PROX1: variants seen among roughly 807,000 people sequenced by gnomAD.
The protein encoded by PROX1 is prospero homeobox 1.
A neutral mutation model predicts 58.8 loss-of-function variants in PROX1; 7 were observed. The ratio of observed to expected loss-of-function variants is 0.12; its 90% CI spans 0.07 to 0.22. PROX1 has a LOEUF of 0.22. Among genes scored for constraint, PROX1 ranks in the 10% least tolerant of loss-of-function variants. The probability of loss-of-function intolerance (pLI) is 1.00; values close to 1 mark genes in which losing one functional copy is unlikely to be tolerated. For missense variants in PROX1, 675 were observed against 927.8 expected, an observed-to-expected ratio of 0.73 and a Z score of 3.54; for synonymous variants, 350 against 358.3, an observed-to-expected ratio of 0.98 and a Z score of 0.26.
intron 1 of PROX1, chr1:213,989,729 T>C (rs900282089): frequency 6.6e-6 from 1 of 152,374 alleles, no homozygotes; most frequent in Non-Finnish European, 1.5e-5. Flanking sequence ...TTACTCCCCC[T>C]GCTGAAGCTG....
At chr1:214,024,534 G>C (rs943207068) in intron 4 of PROX1, among the ~76,000 whole-genome samples, 1 of 152,082 alleles carries the variant, frequency 6.6e-6, no homozygotes, top group African/African-American at 2.4e-5. Flanking sequence ...TATCACAAGC[G>C]CTTTCTTTGG....
rs1664842119 is a variant in PROX1, at chr1:214,036,724, A to G, written c.*890A>G. 1 of 152,194 alleles carries G rather than the reference A, an allele frequency of 6.6e-6. No individual in the cohort carries two copies. Among genetic ancestry groups the G allele is most frequent in the African/African-American group, 2.4e-5 (1 of 41,458 alleles). 9.4% of individuals were successfully genotyped at this position (152,194 alleles called of 1,614,324 possible). On this transcript the variant is annotated 3_prime_UTR_variant, in exon 5 of 5. Transcript: ENST00000366958. Reference sequence around the variant, plus strand: ...CAACTTTGTTTATATGCTTAAAAGGATTCTGTTTACTTAACAATTTTTTCC... The same window carrying G: ...CAACTTTGTTTATATGCTTAAAAGGGTTCTGTTTACTTAACAATTTTTTCC...
At chr1:214,016,190 C>A (rs1337595946) in intron 4 of PROX1, among the ~76,000 whole-genome samples, 1 of 152,020 alleles carries the variant, frequency 6.6e-6, no homozygotes, top group East Asian at 1.9e-4. Context: ...AAATAAAAAA[C>A]AACACCCCAC....
chr1:213,998,101 G>A lies in PROX1; in HGVS notation c.1566G>A (p.Thr522=), dbSNP rs1663351039. 1.2e-6 allele frequency: 2 copies of A among 1,613,968 alleles called. No individual in the cohort carries two copies. The highest frequency in any genetic ancestry group is 1.7e-5 in the Admixed American group (1 of 59,996). Residue 522 remains threonine (T), a synonymous_variant, in exon 2 of 5, where the codon ACG becomes ACA. Transcript: ENST00000366958. ...CCTTAGACTTAACTAGGGATACCACGAGTCTGAGGACCAAGATGTCATCTC... is the reference window on the plus strand; with the variant it reads ...CCTTAGACTTAACTAGGGATACCACAAGTCTGAGGACCAAGATGTCATCTC... The part of the protein sequence containing the change: ...PESLDLTRDT[T]SLRTKMSSHH...
Position 214,008,421 on chromosome 1 carries a change from A to G in PROX1, c.1834-3100A>G, listed in dbSNP as rs576497500. Among the ~76,000 whole-genome samples the G allele has an allele frequency of 5.8e-3, 788 of 136,960 alleles. 8 individuals carry two copies. The highest frequency in any genetic ancestry group is 0.021 in the African/African-American group (752 of 35,928). The allele number at this position is 136,960 out of a possible 152,430, so 89.9% of individuals were successfully genotyped here. The stretch of plus-strand genomic sequence containing the variant: ...AAAACAAAAAACAAACAACAACAAC[A>G]ACAACAAAAAAAACCAGGAGAAAAA... On this transcript the variant is annotated intron_variant, in intron 3 of 4. Coordinates refer to ENST00000366958, the MANE Select transcript of PROX1 (RefSeq NM_001270616.2).
chr1:213,990,461 G>C (rs2102679012), intron 1 of PROX1, among the ~76,000 whole-genome samples: 1 of 151,488 alleles, frequency 6.6e-6, no homozygotes, highest in East Asian at 2.0e-4. Context: ...GTTGGTATGT[G>C]TTTGTTTATT....
intron 4 of PROX1, 96 bp downstream of exon 4, chr1:214,011,811 T>G: frequency 9.2e-7 from 1 of 1,083,318 alleles, no homozygotes. Flanking sequence ...TTTGTGTTGG[T>G]TTCGCATACA....
In PROX1 at chr1:214,036,078, C is replaced by G; in HGVS notation, c.*244C>G. On this transcript the variant is annotated 3_prime_UTR_variant, in exon 5 of 5. Transcript: ENST00000366958. ...GCCCAAGGCCCTTAACATTTGGACA[C>G]TTAAAATAGGGTTAATTTTCAGGGA... is the stretch of plus-strand genomic sequence containing the variant. 1 of 311,244 alleles carries G rather than the reference C, an allele frequency of 3.2e-6. No individual in the cohort carries two copies. 19.3% of individuals were successfully genotyped at this position (311,244 alleles called of 1,614,324 possible). A position where few individuals can be genotyped will look rare whatever the true frequency, so the allele number is the denominator to read the frequency against.
intron 1 of PROX1, among the ~76,000 whole-genome samples, chr1:213,989,266 C>G (rs1442729112): frequency 6.6e-6 from 1 of 151,844 alleles, no homozygotes; most frequent in Non-Finnish European, 1.5e-5. Context: ...CGCGGCGCCC[C>G]TCTTCCGAGC....
At chr1:214,015,565 T>G (rs950744002) in intron 4 of PROX1, among the ~76,000 whole-genome samples, 5 of 152,122 alleles carry the variant, frequency 3.3e-5, no homozygotes, top group African/African-American at 1.2e-4. Flanking sequence ...GAAAAGAAGA[T>G]GACGATCTCT....
At chr1:213,987,069 C>A (rs1440230013), upstream of PROX1, among the ~76,000 whole-genome samples, 1 of 152,052 alleles carries the variant, frequency 6.6e-6, no homozygotes, top group Non-Finnish European at 1.5e-5. Flanking sequence ...CTTTCTGGGG[C>A]GAGTGAATTA....
upstream of PROX1, chr1:213,984,248 C>T (rs1163037621): frequency 6.6e-6 from 1 of 152,224 alleles, no homozygotes; most frequent in African/African-American, 2.4e-5. Context: ...TCGAGGTCAA[C>T]TTATTGTAAT....
intron 4 of PROX1, among the ~76,000 whole-genome samples, chr1:214,014,059 T>C (rs1664010698): frequency 6.6e-6 from 1 of 152,208 alleles, no homozygotes; most frequent in African/African-American, 2.4e-5. Flanking sequence ...GTCTGGCTCA[T>C]TTACTGACAA....
At position 214,012,388 on chromosome 1, in the gene PROX1, C is replaced by T. The variant is rs190584336; in HGVS notation, c.2028+673C>T. Among the ~76,000 whole-genome samples, 300 of 152,260 alleles carry T rather than the reference C, an allele frequency of 2.0e-3. 3 individuals carry two copies. The highest frequency in any genetic ancestry group is 3.4e-3 in the African/African-American group (142 of 41,556). ...CATACACACTTATATATATCTGTGA[C>T]GTGTATATTCTAGATCCACACAAAG... On this transcript the variant is annotated intron_variant, in intron 4 of 4. Coordinates refer to ENST00000366958, the MANE Select transcript of PROX1 (RefSeq NM_001270616.2).
rs1663346552 is a variant in PROX1 at position 213,998,017 on chromosome 1, G to A, written c.1482G>A (p.Gln494=). The change falls in exon 2 of 5, where the codon CAG becomes CAA. Residue 494 remains glutamine, a synonymous_variant. Coordinates refer to ENST00000366958, the MANE Select transcript of PROX1 (RefSeq NM_001270616.2). ...FPLPLMAYPF[Q]SPLGAPSGSF... ...TTCCCTTGATGGCCTATCCATTTCA[G>A]AGCCCATTAGGTGCTCCCTCCGGCT... The A allele has an allele frequency of 6.2e-7, 1 of 1,612,674 alleles. No homozygotes were observed. The highest frequency in any genetic ancestry group is 8.5e-7 in the Non-Finnish European group (1 of 1,179,230).
intron 3 of PROX1, among the ~76,000 whole-genome samples, chr1:214,005,516 C>G (rs1187231922): frequency 1.3e-5 from 2 of 152,168 alleles, no homozygotes; most frequent in African/African-American, 4.8e-5. Context: ...AAAACTTAGC[C>G]TCTGTCTTTA....
Position 213,997,678 on chromosome 1 carries a change from G to C in PROX1, c.1143G>C (p.Gln381His). The C allele has an allele frequency of 6.2e-7, 1 of 1,614,148 alleles. No homozygotes were observed. Among genetic ancestry groups the C allele is most frequent in the Non-Finnish European group, 8.5e-7 (1 of 1,180,026 alleles). The change falls in exon 2 of 5, where the codon CAG becomes CAC. Residue 381 changes from glutamine (Q) to histidine (H), a missense_variant. Coordinates refer to ENST00000366958, the MANE Select transcript of PROX1 (RefSeq NM_001270616.2). The surrounding 1 kb of genome is among the most constrained non-coding windows in gnomAD (Gnocchi z 7.1). ...CCAAGCCCTCCCGCCAGGTTCCTCA[G>C]GTCTTCCCACCTCTCCAGATCCCCC... ...FSAKPSRQVP[Q>H]VFPPLQIPQA...
intron 2 of PROX1, among the ~76,000 whole-genome samples, chr1:214,002,516 T>C (rs2102709359): frequency 6.6e-6 from 1 of 151,654 alleles, no homozygotes; most frequent in Non-Finnish European, 1.5e-5. Context: ...CACAAAGCTA[T>C]GGCTAAGAGA....
chr1:214,001,547 G>T (rs1338064068), intron 2 of PROX1, among the ~76,000 whole-genome samples: 1 of 152,142 alleles, frequency 6.6e-6, no homozygotes, highest in Non-Finnish European at 1.5e-5. Flanking sequence ...AGACGTGCAG[G>T]TGAAGAAATT....
Sources: allele counts gnomAD v4.1 joint callset (sites outside exome capture counted in the v4.1 genomes callset), GRCh38; gene constraint gnomAD v4.1.1; non-coding constraint Gnocchi (gnomAD v3.1); transcripts MANE v1.5; gene names NCBI Gene and HGNC (gene_info 2026-07-23, HGNC 2026-07-21).